Variants in PTPRD observed in about 807,000 individuals in gnomAD.
PTPRD encodes receptor-type tyrosine-protein phosphatase delta.
A neutral mutation model predicts 214.5 loss-of-function variants in PTPRD; 34 were observed. That is an observed-to-expected ratio of 0.16 (90% CI 0.12 to 0.21). PTPRD has a LOEUF of 0.21. PTPRD is among the 10% of genes least tolerant of loss of function. The pLI, the probability that PTPRD is intolerant of heterozygous loss-of-function variation, is 1.00. For missense variants in PTPRD, 2,545 were observed against 2,398.7 expected (o/e 1.06, Z -1.27); for synonymous variants, 1,128 against 845.7 (o/e 1.33, Z -5.79).
At chr9:10,305,905 A>G (rs1433272774) in intron 3 of PTPRD, among the ~76,000 whole-genome samples, 1 of 152,154 alleles carries the variant, frequency 6.6e-6, no homozygotes, top group Non-Finnish European at 1.5e-5. Flanking sequence ...CATTTGACCC[A>G]GCAATCCCAC....
At chr9:9,146,496 G>C (rs561421654) in intron 10 of PTPRD, among the ~76,000 whole-genome samples, 31 of 152,236 alleles carry the variant, frequency 2.0e-4, no homozygotes, top group Admixed American at 9.2e-4. Flanking sequence ...TTGAGCACCA[G>C]TGTAATAGGA....
chr9:10,124,107 C>A (rs956105787), intron 3 of PTPRD, among the ~76,000 whole-genome samples: 1 of 152,072 alleles, frequency 6.6e-6, no homozygotes, highest in Non-Finnish European at 1.5e-5. Flanking sequence ...AACTTGAAAG[C>A]CATTTACTCA....
intron 4 of PTPRD, among the ~76,000 whole-genome samples, chr9:9,984,892 T>G (rs370720995): frequency 6.6e-6 from 1 of 152,038 alleles, no homozygotes; most frequent in African/African-American, 2.4e-5. Flanking sequence ...TGACCAACCA[T>G]GCACACCCAA....
At chr9:10,589,607 A>T (rs1224738239) in intron 2 of PTPRD, among the ~76,000 whole-genome samples, 2 of 152,060 alleles carry the variant, frequency 1.3e-5, no homozygotes, top group Non-Finnish European at 2.9e-5. Context: ...CTGTGGTAAC[A>T]GCTATAAAGG....
chr9:10,439,818 C>T (rs1482979355), intron 2 of PTPRD, among the ~76,000 whole-genome samples: 1 of 151,618 alleles, frequency 6.6e-6, no homozygotes, highest in Non-Finnish European at 1.5e-5. Flanking sequence ...GAATGAAAAT[C>T]ATTATTTTTC....
intron 8 of PTPRD, among the ~76,000 whole-genome samples, chr9:9,459,066 G>A (rs1186614592): frequency 6.6e-6 from 1 of 152,030 alleles, no homozygotes; most frequent in African/African-American, 2.4e-5. Context: ...AAGAAGCTGG[G>A]GTGTGGAAAA....
At chr9:9,831,441 C>A (rs140253111) in intron 5 of PTPRD, among the ~76,000 whole-genome samples, 2 of 151,768 alleles carry the variant, frequency 1.3e-5, no homozygotes, top group East Asian at 3.9e-4. Context: ...AGAGTTATAC[C>A]CTGAAATTGA....
chr9:10,272,077 A>C (rs1290681470), intron 3 of PTPRD, among the ~76,000 whole-genome samples: 4 of 152,134 alleles, frequency 2.6e-5, no homozygotes, highest in Non-Finnish European at 5.9e-5. Context: ...CATACTCTTT[A>C]ACAGTCACTC....
In PTPRD at chr9:9,345,702, GC is replaced by G. The variant is rs575283831; in HGVS notation, c.-203+51746del. ...CTAGATGCAAATCCTGATCATAATG[GC>G]TTCCAGTAGTATGGTCTTGGATTAC... On this transcript the variant is annotated intron_variant, in intron 9 of 45. Coordinates refer to ENST00000381196, the MANE Select transcript of PTPRD (RefSeq NM_002839.4). Among the ~76,000 whole-genome samples the G allele has an allele frequency of 1.6e-4, 25 of 152,040 alleles. No homozygotes were observed. The South Asian group carries it at 4.8e-3, about 29-fold the overall frequency.
chr9:9,699,867 C>T (rs1384229518), intron 7 of PTPRD, among the ~76,000 whole-genome samples: 1 of 152,176 alleles, frequency 6.6e-6, no homozygotes, highest in Non-Finnish European at 1.5e-5. Flanking sequence ...ATACCAGCTG[C>T]TCATTTAATC....
At chr9:8,827,597 A>C (rs888156720) in intron 11 of PTPRD, among the ~76,000 whole-genome samples, 3 of 152,106 alleles carry the variant, frequency 2.0e-5, no homozygotes, top group Non-Finnish European at 1.5e-5. Flanking sequence ...ATAGAGTGAG[A>C]CTCTGTCTCA....
At chr9:9,953,919 G>A (rs368719849) in intron 4 of PTPRD, among the ~76,000 whole-genome samples, 10 of 152,074 alleles carry the variant, frequency 6.6e-5, no homozygotes, top group African/African-American at 2.4e-4. Flanking sequence ...TGTGTAAAGG[G>A]AGGATTTCTT....
chr9:9,158,655 C>T (rs1189409778), intron 10 of PTPRD, among the ~76,000 whole-genome samples: 1 of 151,986 alleles, frequency 6.6e-6, no homozygotes, highest in Non-Finnish European at 1.5e-5. Flanking sequence ...TACATTTCTT[C>T]TCAAACCCTT....
At chr9:10,589,740 C>A (rs2074945885) in intron 2 of PTPRD, among the ~76,000 whole-genome samples, 1 of 151,928 alleles carries the variant, frequency 6.6e-6, no homozygotes, top group Admixed American at 6.6e-5. Context: ...TAGAAGTAGG[C>A]AGCAGAAGGC....
At chr9:8,676,468 C>T (rs566248849) in intron 12 of PTPRD, among the ~76,000 whole-genome samples, 4 of 148,218 alleles carry the variant, frequency 2.7e-5, no homozygotes, top group South Asian at 2.2e-4. Flanking sequence ...CTACAACCTC[C>T]GCCGCCCAGG....
chr9:9,586,146 C>A (rs1001178141), intron 7 of PTPRD, among the ~76,000 whole-genome samples: 5 of 151,918 alleles, frequency 3.3e-5, no homozygotes, highest in Non-Finnish European at 5.9e-5. Context: ...CACATATGTT[C>A]TGGCTGTTAA....
At chr9:9,247,587 G>T (rs2099973634) in intron 9 of PTPRD, among the ~76,000 whole-genome samples, 1 of 151,818 alleles carries the variant, frequency 6.6e-6, no homozygotes, top group East Asian at 1.9e-4. Flanking sequence ...CTTCTATATA[G>T]CCACTCATCT....
At chr9:9,056,649 A>G (rs2099696760) in intron 10 of PTPRD, among the ~76,000 whole-genome samples, 1 of 152,200 alleles carries the variant, frequency 6.6e-6, no homozygotes, top group African/African-American at 2.4e-5. Context: ...ACTGGGCAGT[A>G]ATGGTTTTTT....
chr9:8,969,983 A>C (rs1334788822), intron 11 of PTPRD, among the ~76,000 whole-genome samples: 1 of 151,870 alleles, frequency 6.6e-6, no homozygotes, highest in Non-Finnish European at 1.5e-5. Context: ...GTAAAAGAAG[A>C]TTAGTATTTA....
Sources: gnomAD v4.1 joint callset for allele counts (sites outside exome capture counted in the v4.1 genomes callset) on GRCh38, gnomAD v4.1.1 for gene constraint, MANE v1.5 for transcripts, NCBI Gene and HGNC (gene_info 2026-07-23, HGNC 2026-07-21) for gene names.